Variants in ENTPD5 observed in about 807,000 individuals in gnomAD.
The protein encoded by ENTPD5 is nucleoside diphosphate phosphatase ENTPD5.
In ENTPD5, 49 loss-of-function variants were observed where a neutral mutation model predicts 60.2. The observed-to-expected ratio is 0.81, with a 90% confidence interval of 0.65 to 1.03. ENTPD5 has a LOEUF of 1.03. Among genes scored for constraint, ENTPD5 ranks in the 50% least tolerant of loss-of-function variants. The probability of loss-of-function intolerance (pLI) is 0.00; values close to 1 mark genes in which losing one functional copy is unlikely to be tolerated. For synonymous variants in ENTPD5, 187 were observed against 185.4 expected (o/e 1.01, Z -0.07); for missense variants, 480 against 507.6 (o/e 0.95, Z 0.52).
At chr14:73,979,066 G>A (rs1357369112) in intron 6 of ENTPD5, among the ~76,000 whole-genome samples, 1 of 152,230 alleles carries the variant, frequency 6.6e-6, no homozygotes, top group African/African-American at 2.4e-5. Context: ...CCTGGATGCT[G>A]TTCCTAACAT....
At chr14:73,986,936 C>CA in intron 4 of ENTPD5, 43 bp from the exon 5 acceptor site, 1 of 1,495,632 alleles carries the variant, frequency 6.7e-7, no homozygotes. Context: ...AGCTGGTTAC[C>CA]AAAAGTTAGG....
In ENTPD5 at chr14:73,977,013, G is replaced by A; in HGVS notation, c.553+11C>T. On this transcript the variant is annotated intron_variant, in intron 8 of 15. Transcript: ENST00000334696. ...AGTTAAGCTCTAAAGATAAACTTGA[G>A]GATGTATTACCTGTCAGAAAATTCA... 1 of 1,607,244 alleles carries A rather than the reference G, an allele frequency of 6.2e-7. No homozygotes were observed. The highest frequency in any genetic ancestry group is 8.5e-7 in the Non-Finnish European group (1 of 1,174,316).
At chr14:74,005,370 A>AAAAAAAAAAAAAAAAG (rs1555366585) in intron 3 of ENTPD5, among the ~76,000 whole-genome samples, 3 of 145,134 alleles carry the variant, frequency 2.1e-5, no homozygotes, top group African/African-American at 5.6e-5. Context: ...GTCTCAAAAA[A>AAAAAAAAAAAAAAAAG]AAAGAAAAGA....
chr14:73,974,860 A>C, intron 11 of ENTPD5, 64 bp downstream of exon 11: 1 of 1,308,096 alleles, frequency 7.6e-7, no homozygotes, highest in South Asian at 1.3e-5. Context: ...AAGGAAGGGA[A>C]GAAGCAAGCG....
chr14:74,012,952 T>C (rs1327195566), intron 2 of ENTPD5, among the ~76,000 whole-genome samples: 1 of 152,182 alleles, frequency 6.6e-6, no homozygotes, highest in Non-Finnish European at 1.5e-5. Flanking sequence ...TGTCTGACAT[T>C]CTAAGTCATT....
chr14:73,970,762 A>C (rs1489608246), intron 14 of ENTPD5, among the ~76,000 whole-genome samples: 1 of 152,230 alleles, frequency 6.6e-6, no homozygotes, highest in African/African-American at 2.4e-5. Flanking sequence ...AATATCATTT[A>C]ACCCTACTGT....
downstream of ENTPD5, chr14:73,959,912 C>T: frequency 8.5e-7 from 1 of 1,182,954 alleles, no homozygotes; most frequent in Non-Finnish European, 1.1e-6. Flanking sequence ...AACCAGTCAG[C>T]TGTCCCTTTC....
At chr14:73,958,271 AT>A (rs754868728), downstream of ENTPD5, 1 of 1,613,922 alleles carries the variant, frequency 6.2e-7, no homozygotes, top group Admixed American at 1.7e-5. Context: ...TCCAGACCAA[AT>A]TGTTGGTAGT....
At chr14:73,976,512 C>T (rs920475869) in intron 8 of ENTPD5, 100 bp from the exon 9 acceptor site, 2 of 855,312 alleles carry the variant, frequency 2.3e-6, no homozygotes, top group East Asian at 5.0e-5. Flanking sequence ...TCCATACATA[C>T]TCCACTGCTC....
At chr14:73,962,991 A>G, downstream of ENTPD5, 1 of 1,609,372 alleles carries the variant, frequency 6.2e-7, no homozygotes, top group Non-Finnish European at 8.5e-7. Flanking sequence ...GGCCTTTGCA[A>G]GCAAATGAGT....
chr14:74,014,275 T>C (rs1051779888), intron 2 of ENTPD5, among the ~76,000 whole-genome samples: 1 of 152,026 alleles, frequency 6.6e-6, no homozygotes, highest in Non-Finnish European at 1.5e-5. Flanking sequence ...TTCAAAAATA[T>C]ATGGCCAAGC....
At chr14:74,011,699 G>A (rs2058851020) in intron 2 of ENTPD5, among the ~76,000 whole-genome samples, 1 of 152,172 alleles carries the variant, frequency 6.6e-6, no homozygotes, top group Non-Finnish European at 1.5e-5. Context: ...TTGGGAGGCT[G>A]AGACAGGAGG....
intron 3 of ENTPD5, among the ~76,000 whole-genome samples, chr14:73,992,212 T>G: frequency 6.6e-6 from 1 of 152,114 alleles, no homozygotes; most frequent in East Asian, 1.9e-4. Context: ...TAAGTCATAG[T>G]TTACTGGTTA....
intron 3 of ENTPD5, among the ~76,000 whole-genome samples, chr14:74,006,059 G>T (rs939502396): frequency 1.3e-5 from 2 of 151,822 alleles, no homozygotes; most frequent in Non-Finnish European, 2.9e-5. Context: ...CATGATCTTG[G>T]CTCACCACAA....
intron 3 of ENTPD5, among the ~76,000 whole-genome samples, chr14:74,001,046 C>A (rs1208521865): frequency 6.6e-6 from 1 of 151,968 alleles, no homozygotes; most frequent in Non-Finnish European, 1.5e-5. Flanking sequence ...CACAGTGAGA[C>A]CCTATCCGTA....
chr14:73,961,365 G>T (rs773446575), downstream of ENTPD5: 1 of 1,614,190 alleles, frequency 6.2e-7, no homozygotes. Flanking sequence ...GCCTCGGGTG[G>T]CGCTCATTGG....
At chr14:73,982,756 A>AAAAAAT (rs991024780) in intron 6 of ENTPD5, among the ~76,000 whole-genome samples, 2 of 152,138 alleles carry the variant, frequency 1.3e-5, no homozygotes, top group African/African-American at 2.4e-5. Flanking sequence ...ACTCCATCTC[A>AAAAAAT]AAAAATAAAA....
At position 73,974,914 on chromosome 14, in the gene ENTPD5, C is replaced by G; in HGVS notation, c.784+10G>C. The G allele has an allele frequency of 6.2e-7, 1 of 1,610,960 alleles. No homozygotes were observed. Among genetic ancestry groups the G allele is most frequent in the South Asian group, 1.1e-5 (1 of 90,936 alleles). On this transcript the variant is annotated intron_variant, in intron 11 of 15. Transcript: ENST00000334696. ...CACCATCCCCCCCCAGCACAGGTAC[C>G]CAGACAAACCTTCTGTCTCCAGGGC...
intron 4 of ENTPD5, 71 bp from the exon 5 acceptor site, chr14:73,986,964 C>A: frequency 8.9e-7 from 1 of 1,125,394 alleles, no homozygotes; most frequent in East Asian, 2.4e-5. Flanking sequence ...AGATGCTGGG[C>A]TCTGTCTCTG....
Sources: allele counts gnomAD v4.1 joint callset (sites outside exome capture counted in the v4.1 genomes callset), GRCh38; gene constraint gnomAD v4.1.1; transcripts MANE v1.5; gene names NCBI Gene and HGNC (gene_info 2026-07-23, HGNC 2026-07-21).